The following RTBDN variants were observed in gnomAD, a reference collection of about 807,000 sequenced individuals.
The protein encoded by RTBDN is retbindin.
RTBDN carries 24 observed loss-of-function variants against 21.9 expected under a neutral mutation model. The ratio of observed to expected loss-of-function variants is 1.10; its 90% CI spans 0.79 to 1.54. The LOEUF is 1.54. Among genes scored for constraint, RTBDN ranks in the 40% most tolerant of loss-of-function variants. The pLI, the probability that RTBDN is intolerant of heterozygous loss-of-function variation, is 0.00. For missense variants in RTBDN, 325 were observed against 315.2 expected (o/e 1.03, Z -0.23); for synonymous variants, 141 against 125.9 (o/e 1.12, Z -0.80).
chr19:12,831,857 TTGTC>T (rs1378348778), intron 1 of RTBDN, among the ~76,000 whole-genome samples: 2 of 152,114 alleles, frequency 1.3e-5, no homozygotes, highest in Admixed American at 1.3e-4. Flanking sequence ...GGAGAATAAT[TTGTC>T]TGTTTTAGAT....
chr19:12,833,359 G>T (rs942853713), intron 1 of RTBDN, among the ~76,000 whole-genome samples: 1 of 151,968 alleles, frequency 6.6e-6, no homozygotes, highest in Non-Finnish European at 1.5e-5. Flanking sequence ...CTTTACACGG[G>T]AATTGTTACT....
Position 12,825,679 on chromosome 19 carries a change from C to A in RTBDN, c.*27G>T. 6.5e-7 allele frequency: 1 copy of A among 1,546,062 alleles called. No individual in the cohort carries two copies. The stretch of plus-strand genomic sequence containing the variant: ...AGGGGCGGGGCTGGGGGAAGGGTCG[C>A]TCCCCCAACTCAGGGCCACGCGTCC... On this transcript the variant is annotated 3_prime_UTR_variant, in exon 6 of 6. Coordinates refer to ENST00000674343, the MANE Select transcript of RTBDN (RefSeq NM_001270441.2).
At chr19:12,828,989 A>T (rs1434685109) in intron 2 of RTBDN, 36 bp from the exon 3 acceptor site, 1 of 1,613,172 alleles carries the variant, frequency 6.2e-7, no homozygotes, top group South Asian at 1.1e-5. Context: ...AGGGTCTTGG[A>T]TATTCAGGTA....
rs1327522143 is a variant in RTBDN, at chr19:12,828,881, A to C, written c.242T>G (p.Val81Gly). Residue 81 changes from valine to glycine, a missense_variant, in exon 3 of 6, where the codon GTG (valine) becomes GGG (glycine). Val to Gly is a moderately radical substitution (Grantham distance 109). Coordinates refer to ENST00000674343, the MANE Select transcript of RTBDN (RefSeq NM_001270441.2). ...GTGCTGTACTCACTCAGGGCTCGGC[A>C]CTCCACAGCGTTCTGGATGGTTTCC... ...GPGNHPERCGVPSPECESFLE... is the reference protein window; with the variant it reads ...GPGNHPERCGGPSPECESFLE... The C allele has an allele frequency of 1.2e-6, 2 of 1,614,074 alleles. No homozygotes were observed. The highest frequency in any genetic ancestry group is 2.2e-5 in the South Asian group (2 of 91,080).
At chr19:12,827,540 C>G (rs1310031848) in intron 4 of RTBDN, among the ~76,000 whole-genome samples, 1 of 151,810 alleles carries the variant, frequency 6.6e-6, no homozygotes, top group Non-Finnish European at 1.5e-5. Flanking sequence ...CCAAGCTTGT[C>G]TCAAACTCCT....
intron 1 of RTBDN, chr19:12,832,940 C>T (rs949397378): frequency 6.6e-6 from 1 of 152,254 alleles, no homozygotes; most frequent in Non-Finnish European, 1.5e-5. Flanking sequence ...CGGACACTCT[C>T]CTCTCCAACT....
upstream of RTBDN, chr19:12,835,316 T>G: frequency 1.9e-6 from 1 of 528,306 alleles, no homozygotes; most frequent in Non-Finnish European, 3.4e-6. Context: ...CCACATTCTC[T>G]CCGCCTCTCG....
At chr19:12,835,210 TG>T (rs1401912774), upstream of RTBDN, 5 of 1,040,836 alleles carry the variant, frequency 4.8e-6, no homozygotes, top group Non-Finnish European at 7.4e-6. Context: ...TCCAGGCGTC[TG>T]GGTAACGCCG....
chr19:12,829,138 A>G (rs1969452291), intron 2 of RTBDN, 185 bp from the exon 3 acceptor site: 4 of 980,228 alleles, frequency 4.1e-6, no homozygotes, highest in Non-Finnish European at 5.8e-6. Flanking sequence ...TCTTGTTTAT[A>G]ATAATCAACT....
chr19:12,833,517 CTA>C, intron 1 of RTBDN, among the ~76,000 whole-genome samples: 1 of 152,136 alleles, frequency 6.6e-6, no homozygotes, highest in South Asian at 2.1e-4. Context: ...CCTGTGGAAA[CTA>C]TCTCCCCCTG....
At position 12,825,818 on chromosome 19, in the gene RTBDN, C is replaced by G. The variant is rs770091984; in HGVS notation, c.578G>C (p.Arg193Thr). 1.2e-6 allele frequency: 2 copies of G among 1,613,346 alleles called. No homozygotes were observed. Among genetic ancestry groups the G allele is most frequent in the Non-Finnish European group, 1.7e-6 (2 of 1,179,738 alleles). ...NISISAVPRP[R>T]PGRRGREAPS... ...AGCTTCCCGGCCCCGTCGTCCTGGT[C>G]TGGGACGAGGTACCGCGGAGATGGA... is the stretch of plus-strand genomic sequence containing the variant. Residue 193 changes from arginine to threonine, a missense_variant, in exon 6 of 6, where the codon AGA becomes ACA. Arg to Thr is a moderately conservative substitution (Grantham distance 71). Coordinates refer to ENST00000674343, the MANE Select transcript of RTBDN (RefSeq NM_001270441.2).
In RTBDN at chr19:12,829,958, G is replaced by A. The variant is rs369791948; in HGVS notation, c.22C>T (p.Arg8Ter). Residue 8 changes from arginine to a stop codon, truncating the protein, a stop_gained, in exon 2 of 6, where the codon CGA (arginine) becomes TGA (stop). Transcript: ENST00000674343. LOFTEE classifies it high-confidence loss of function. MDCRVHM[R>*]PIGLTWVLQL... ...AGCACCCACGTCAGGCCGATGGGTC[G>A]CATGTGGACCCTGCAGTCCATGTCC... is the stretch of plus-strand genomic sequence containing the variant. The A allele has an allele frequency of 4.5e-5, 73 of 1,613,008 alleles. No individual in the cohort carries two copies. Among genetic ancestry groups the A allele is most frequent in the African/African-American group, 2.1e-4 (16 of 75,020 alleles).
chr19:12,830,538 C>G lies in RTBDN; in HGVS notation c.-18-541G>C. The G allele has an allele frequency of 1.0e-6, 1 of 985,140 alleles. No homozygotes were observed. Among genetic ancestry groups the G allele is most frequent in the Non-Finnish European group, 1.2e-6 (1 of 829,590 alleles). 61.0% of individuals were successfully genotyped at this position (985,140 alleles called of 1,614,324 possible). A position where few individuals can be genotyped will look rare whatever the true frequency, so the allele number is the denominator to read the frequency against. ...GGTTCTGTCACTGGGGCCCAAAGCC[C>G]CGAGGCAGGGACAGCTAGCGGTCTG... is the stretch of plus-strand genomic sequence containing the variant. On this transcript the variant is annotated intron_variant, in intron 1 of 5. Coordinates refer to ENST00000674343, the MANE Select transcript of RTBDN (RefSeq NM_001270441.2). The surrounding 1 kb of genome is among the most constrained non-coding windows in gnomAD (Gnocchi z 4.2).
intron 4 of RTBDN, among the ~76,000 whole-genome samples, chr19:12,828,277 C>T (rs1436933262): frequency 5.9e-5 from 9 of 151,548 alleles, no homozygotes; most frequent in Admixed American, 5.9e-4. Context: ...GCGCCTGTAA[C>T]CACAGCTACT....
intron 5 of RTBDN, chr19:12,826,167 G>C: frequency 7.3e-7 from 1 of 1,378,892 alleles, no homozygotes; most frequent in Non-Finnish European, 9.3e-7. Context: ...GGCGCGCAGA[G>C]AGGTCTGTAT....
In RTBDN at chr19:12,828,662, C is replaced by T; in HGVS notation, c.360G>A (p.Gln120=). Residue 120 remains glutamine (Q), a synonymous_variant, in exon 4 of 6, where the codon CAG becomes CAA. Transcript: ENST00000674343. ...QAQPLCEELC[Q]AWFANCEDDI... Reference sequence around the variant, plus strand: ...CTTGCCCCCGCGTCTCCTACCAGGCCTGGCAGAGCTCCTCGCAGAGCGGCT... The same window carrying T: ...CTTGCCCCCGCGTCTCCTACCAGGCTTGGCAGAGCTCCTCGCAGAGCGGCT... The T allele has an allele frequency of 6.2e-7, 1 of 1,612,984 alleles. No individual in the cohort carries two copies. The highest frequency in any genetic ancestry group is 8.5e-7 in the Non-Finnish European group (1 of 1,179,376).
chr19:12,829,053 A>G (rs1404121997), intron 2 of RTBDN, 100 bp from the exon 3 acceptor site: 3 of 1,540,126 alleles, frequency 1.9e-6, no homozygotes, highest in East Asian at 2.4e-5. Context: ...CAACAATTAC[A>G]TCAATCCTCA....
rs530478616 is a variant in RTBDN, at chr19:12,825,745, C to T, written c.651G>A (p.Ala217=). 1.5e-5 allele frequency: 24 copies of T among 1,601,440 alleles called. No individual in the cohort carries two copies. The African/African-American group carries it at 2.0e-4, about 13-fold the overall frequency. Residue 217 remains alanine, a synonymous_variant, in exon 6 of 6, where the codon GCG becomes GCA. Coordinates refer to ENST00000674343, the MANE Select transcript of RTBDN (RefSeq NM_001270441.2). ...CGCTTCCACTGCCACTCCCGCTGCCCGCAGCGTCCAGGATGGAGGTGCGAG... is the reference window on the plus strand; with the variant it reads ...CGCTTCCACTGCCACTCCCGCTGCCTGCAGCGTCCAGGATGGAGGTGCGAG... ...RSPRTSILDA[A]GSGSGSGSGS...
rs143788252 is a variant in RTBDN, at chr19:12,832,140, A to G, written c.-18-2143T>C. Reference sequence around the variant, plus strand: ...GTGTGGGTCTGTGTTTGTGGAGTATATGTTTGCAGAGTATGTTCGAATAAA... The same window carrying G: ...GTGTGGGTCTGTGTTTGTGGAGTATGTGTTTGCAGAGTATGTTCGAATAAA... On this transcript the variant is annotated intron_variant, in intron 1 of 5. Transcript: ENST00000674343. Among the ~76,000 whole-genome samples the G allele has an allele frequency of 9.4e-3, 1,433 of 152,136 alleles. 22 individuals carry two copies. The highest frequency in any genetic ancestry group is 0.013 in the Non-Finnish European group (879 of 68,012).
Sources: allele counts gnomAD v4.1 joint callset (sites outside exome capture counted in the v4.1 genomes callset), GRCh38; gene constraint gnomAD v4.1.1; non-coding constraint Gnocchi (gnomAD v3.1); transcripts MANE v1.5; gene names NCBI Gene and HGNC (gene_info 2026-07-23, HGNC 2026-07-21).